Variants in ZNF280D observed in about 807,000 individuals in gnomAD.
ZNF280D encodes zinc finger protein 280D, also known as suppressor of hairy wing homolog 4.
Under a neutral mutation model 94.7 loss-of-function variants are expected in ZNF280D, and 39 were observed. The ratio of observed to expected loss-of-function variants is 0.41; its 90% confidence interval spans 0.32 to 0.54. The LOEUF is 0.54. Among genes scored for constraint, ZNF280D ranks in the 20% least tolerant of loss-of-function variants. ZNF280D has a pLI of 0.22. For synonymous variants in ZNF280D, 398 were observed against 377.6 expected (o/e 1.05, Z -0.63); for missense variants, 1,090 against 1,149.3 (o/e 0.95, Z 0.75).
At chr15:56,668,308 A>AT (rs1742856689) in intron 14 of ZNF280D, 3 of 372,954 alleles carry the variant, frequency 8.0e-6, no homozygotes, top group South Asian at 6.1e-5. Flanking sequence ...AATTACAATC[A>AT]TCAGTATGCA....
At chr15:56,650,903 C>G (rs1412269369) in intron 19 of ZNF280D, among the ~76,000 whole-genome samples, 1 of 152,158 alleles carries the variant, frequency 6.6e-6, no homozygotes, top group East Asian at 1.9e-4. Flanking sequence ...TGTCATCTCT[C>G]AGTGAGGCCT....
At chr15:56,700,521 T>C in intron 6 of ZNF280D, 1 of 1,025,984 alleles carries the variant, frequency 9.7e-7, no homozygotes, top group Middle Eastern at 4.8e-4. Context: ...TGTTTGTTTT[T>C]TTTTAACTAA....
intron 13 of ZNF280D, among the ~76,000 whole-genome samples, chr15:56,675,609 A>C (rs1267067094): frequency 2.0e-5 from 3 of 152,006 alleles, no homozygotes; most frequent in African/African-American, 4.8e-5. Flanking sequence ...AAACCTTAGA[A>C]TAGATCTTGC....
chr15:56,654,730 C>T (rs1566939900), intron 17 of ZNF280D: 1 of 567,492 alleles, frequency 1.8e-6, no homozygotes, highest in East Asian at 4.1e-5. Flanking sequence ...TACACTTTTA[C>T]CTGTCATACC....
intron 1 of ZNF280D, among the ~76,000 whole-genome samples, chr15:56,712,980 T>C (rs1281213699): frequency 6.6e-6 from 1 of 152,154 alleles, no homozygotes; most frequent in Non-Finnish European, 1.5e-5. Context: ...ACTCAAGTGA[T>C]CTGCCCGCCT....
rs2052052594 is a variant in ZNF280D at position 56,631,123 on chromosome 15, G to A, written c.*375C>T. 1 of 178,592 alleles carries A rather than the reference G, an allele frequency of 5.6e-6. No individual in the cohort carries two copies. Among genetic ancestry groups the A allele is most frequent in the Non-Finnish European group, 1.2e-5 (1 of 83,138 alleles). The allele number at this position is 178,592 out of a possible 1,614,324, so 11.1% of individuals were successfully genotyped here. On this transcript the variant is annotated 3_prime_UTR_variant, in exon 22 of 22. Coordinates refer to ENST00000267807, the MANE Select transcript of ZNF280D (RefSeq NM_017661.4). ...CTCAGTTAACTGAAAAGGATATACA[G>A]GTAATAAAGATTTTTAGCTTAGGAT...
chr15:56,665,326 AT>A (rs1250048647), intron 16 of ZNF280D, among the ~76,000 whole-genome samples: 1 of 152,220 alleles, frequency 6.6e-6, no homozygotes, highest in Non-Finnish European at 1.5e-5. Context: ...TCTCAGGTTT[AT>A]ATCTAAACAA....
rs183584270 is a variant in ZNF280D, at chr15:56,677,427, C to A, written c.1263+147G>T. ...GCAAACAAAAGCCTGTGGACCAAAC[C>A]CAGCTTGCTGCCTATCCCTCATATA... On this transcript the variant is annotated intron_variant, in intron 12 of 21. Transcript: ENST00000267807. The A allele has an allele frequency of 6.2e-4, 347 of 562,860 alleles. 2 individuals are homozygous for A. In the African/African-American group the frequency reaches 6.3e-3, roughly 10 times the overall value. 34.9% of individuals were successfully genotyped at this position (562,860 alleles called of 1,614,324 possible).
intron 11 of ZNF280D, 79 bp from the exon 12 acceptor site, chr15:56,677,753 C>G (rs1224987100): frequency 2.1e-6 from 1 of 469,106 alleles, no homozygotes; most frequent in African/African-American, 2.1e-5. Flanking sequence ...ATATCAACAA[C>G]AATAACAGTA....
chr15:56,661,099 T>G (rs1470008253), intron 16 of ZNF280D, among the ~76,000 whole-genome samples: 1 of 151,776 alleles, frequency 6.6e-6, no homozygotes. Flanking sequence ...ACATACAGAG[T>G]TTGTGGTTGC....
chr15:56,714,758 T>C (rs2057946998), intron 1 of ZNF280D, among the ~76,000 whole-genome samples: 3 of 152,326 alleles, frequency 2.0e-5, no homozygotes, highest in Admixed American at 1.3e-4. Context: ...GATGGATTCC[T>C]TGAAGCCAAA....
chr15:56,689,492 G>T, intron 7 of ZNF280D, 22 bp from the exon 8 acceptor site: 1 of 1,382,734 alleles, frequency 7.2e-7, no homozygotes, highest in South Asian at 1.6e-5. Flanking sequence ...TAAATAGTGA[G>T]AAAAATATTT....
chr15:56,699,042 A>T (rs2056908074), intron 6 of ZNF280D: 1 of 141,062 alleles, frequency 7.1e-6, no homozygotes, highest in Non-Finnish European at 1.5e-5. Flanking sequence ...TAAAGAGTGT[A>T]TGTTGTTTTA....
At chr15:56,644,182 CTTG>C (rs2052767546) in intron 19 of ZNF280D, among the ~76,000 whole-genome samples, 1 of 152,002 alleles carries the variant, frequency 6.6e-6, no homozygotes, top group African/African-American at 2.4e-5. Context: ...TTACAACCAA[CTTG>C]TTAAGCCAAT....
intron 1 of ZNF280D, among the ~76,000 whole-genome samples, chr15:56,714,952 G>A (rs2057959899): frequency 6.6e-6 from 1 of 152,018 alleles, no homozygotes; most frequent in Admixed American, 6.6e-5. Flanking sequence ...CCTATTAGGG[G>A]GATTATGATG....
At chr15:56,733,388 C>T in intron 1 of ZNF280D, 70 bp downstream of exon 1, 1 of 905,920 alleles carries the variant, frequency 1.1e-6, no homozygotes, top group South Asian at 4.3e-5. Context: ...CGGAGTGAGG[C>T]GGCGCAGGCC....
intron 13 of ZNF280D, among the ~76,000 whole-genome samples, chr15:56,673,457 C>T (rs1340404742): frequency 6.6e-6 from 1 of 152,026 alleles, no homozygotes; most frequent in East Asian, 1.9e-4. Flanking sequence ...TTCTCATTAC[C>T]TCGTTCAACG....
rs760191216 is a variant in ZNF280D at position 56,631,125 on chromosome 15, T to G, written c.*373A>C. ...CAGTTAACTGAAAAGGATATACAGG[T>G]AATAAAGATTTTTAGCTTAGGATTG... On this transcript the variant is annotated 3_prime_UTR_variant, in exon 22 of 22. Coordinates refer to ENST00000267807, the MANE Select transcript of ZNF280D (RefSeq NM_017661.4). 5.6e-6 allele frequency: 1 copy of G among 179,062 alleles called. No individual in the cohort carries two copies. Among genetic ancestry groups the G allele is most frequent in the Non-Finnish European group, 1.2e-5 (1 of 83,344 alleles). The allele number at this position is 179,062 out of a possible 1,614,324, so 11.1% of individuals were successfully genotyped here.
chr15:56,731,141 T>C (rs940104241), intron 1 of ZNF280D, among the ~76,000 whole-genome samples: 1 of 152,052 alleles, frequency 6.6e-6, no homozygotes, highest in Admixed American at 6.5e-5. Flanking sequence ...TTAAACACTA[T>C]CAGGAGGAAC....
Sources: allele counts gnomAD v4.1 joint callset (sites outside exome capture counted in the v4.1 genomes callset), GRCh38; gene constraint gnomAD v4.1.1; transcripts MANE v1.5; gene names NCBI Gene and HGNC (gene_info 2026-07-23, HGNC 2026-07-21).